The following EPS8L1 variants were observed in gnomAD, a reference collection of about 807,000 sequenced individuals.
The protein encoded by EPS8L1 is EPS8 signaling adaptor L1.
Under a neutral mutation model 91.7 loss-of-function variants are expected in EPS8L1, and 101 were observed. The ratio of observed to expected loss-of-function variants is 1.10; its 90% CI spans 0.94 to 1.30. The LOEUF is 1.30. EPS8L1 is among the 50% of genes most tolerant of loss of function. The pLI is 0.00. For missense variants in EPS8L1, 1,114 were observed against 1,017.0 expected, an observed-to-expected ratio of 1.10 and a Z score of -1.30; for synonymous variants, 506 against 445.3, an observed-to-expected ratio of 1.14 and a Z score of -1.72.
intron 14 of EPS8L1, among the ~76,000 whole-genome samples, chr19:55,085,128 G>A (rs543266140): frequency 2.4e-4 from 37 of 152,260 alleles, no homozygotes; most frequent in African/African-American, 8.4e-4. Context: ...ACTAATATAC[G>A]TAACAGAACA....
chr19:55,087,361 G>C lies in EPS8L1; in HGVS notation c.2011G>C (p.Glu671Gln). Residue 671 changes from glutamate (E) to glutamine (Q), a missense_variant, in exon 19 of 20, where the codon GAG becomes CAG. Glu to Gln is a conservative substitution (Grantham distance 29). Transcript: ENST00000201647. Reference protein sequence around the residue: ...GAQLFSLQKEELRAVSPEEGA... With the variant: ...GAQLFSLQKEQLRAVSPEEGA... ...GCAGCTTTTCTCGCTGCAGAAGGAGGAGCTGCGGGCGGTGAGCCCCGAGGA... is the reference window on the plus strand; with the variant it reads ...GCAGCTTTTCTCGCTGCAGAAGGAGCAGCTGCGGGCGGTGAGCCCCGAGGA... 3 of 1,613,028 alleles carry C rather than the reference G, an allele frequency of 1.9e-6. No homozygotes were observed. Among genetic ancestry groups the C allele is most frequent in the African/African-American group, 1.3e-5 (1 of 75,038 alleles).
At position 55,086,854 on chromosome 19, in the gene EPS8L1, C is replaced by T. The variant is rs2076358132; in HGVS notation, c.1918C>T (p.Arg640Cys). ...CCCGGGCTCGGACGCCTCCGAGGTC[C>T]GCGCCTGGCTGCAGGCCAAGGGCTT... ...LSPGSDASEV[R>C]AWLQAKGFSS... The change falls in exon 18 of 20, where the codon CGC becomes TGC. Residue 640 changes from arginine (R) to cysteine (C), a missense_variant. By Grantham distance (180) the Arg-to-Cys change is radical (BLOSUM62 -3). Transcript: ENST00000201647. 2 of 1,485,154 alleles carry T rather than the reference C, an allele frequency of 1.3e-6. No individual in the cohort carries two copies. The highest frequency in any genetic ancestry group is 1.8e-6 in the Non-Finnish European group (2 of 1,123,636). 92.0% of individuals were successfully genotyped at this position (1,485,154 alleles called of 1,614,324 possible). A position where few individuals can be genotyped will look rare whatever the true frequency, so the allele number is the denominator to read the frequency against.
At position 55,081,900 on chromosome 19, in the gene EPS8L1, G is replaced by T. The variant is rs1218472155; in HGVS notation, c.901+1G>T. 3 of 1,606,816 alleles carry T rather than the reference G, an allele frequency of 1.9e-6. No homozygotes were observed. The highest frequency in any genetic ancestry group is 2.7e-5 in the African/African-American group (2 of 74,858). On this transcript the variant is annotated splice_donor_variant, in intron 9 of 19. Coordinates refer to ENST00000201647, the MANE Select transcript of EPS8L1 (RefSeq NM_133180.3). LOFTEE classifies it high-confidence loss of function. This position sits in a 1 kb window ranked among gnomAD's most constrained non-coding sequence, Gnocchi z 4.9. Reference sequence around the variant, plus strand: ...AGGAGCCGGCGCCGGGCGGCTGGGGGTAAGGGGCACCCTGGCGTGGGATCT... The same window carrying T: ...AGGAGCCGGCGCCGGGCGGCTGGGGTTAAGGGGCACCCTGGCGTGGGATCT...
chr19:55,086,926 CG>C, intron 18 of EPS8L1, 38 bp downstream of exon 18: 1 of 1,405,892 alleles, frequency 7.1e-7, no homozygotes, highest in South Asian at 1.6e-5. Context: ...CGGGTTGATA[CG>C]GACGCTGGGA....
At chr19:55,086,276 C>G in intron 16 of EPS8L1, 84 bp downstream of exon 16, 2 of 1,611,282 alleles carry the variant, frequency 1.2e-6, no homozygotes, top group Non-Finnish European at 1.7e-6. Context: ...GATCAGCTGT[C>G]AAGAGTGCTG....
chr19:55,075,937 A>C lies in EPS8L1; in HGVS notation c.-38+18A>C, dbSNP rs2147116063. 1 of 158,672 alleles carries C rather than the reference A, an allele frequency of 6.3e-6. No homozygotes were observed. The highest frequency in any genetic ancestry group is 1.4e-5 in the Non-Finnish European group (1 of 72,390). 9.8% of individuals were successfully genotyped at this position (158,672 alleles called of 1,614,324 possible). On this transcript the variant is annotated intron_variant, in intron 1 of 19. Transcript: ENST00000201647. ...GCAGGCAGGTAAGGAGATCCGGGTCAGGAGAGAAGGGGGCCGGGGCTTGAC... is the reference window on the plus strand; with the variant it reads ...GCAGGCAGGTAAGGAGATCCGGGTCCGGAGAGAAGGGGGCCGGGGCTTGAC...
At chr19:55,082,230 C>T (rs765598908) in intron 10 of EPS8L1, 45 bp from the exon 11 acceptor site, 1 of 1,599,208 alleles carries the variant, frequency 6.3e-7, no homozygotes, top group African/African-American at 1.3e-5. Flanking sequence ...ACGAACCTGT[C>T]CCGTCCCCGC....
Position 55,087,426 on chromosome 19 carries a change from G to C in EPS8L1, c.2076G>C (p.Ser692=), listed in dbSNP as rs778048837. The part of the protein sequence containing the change: ...RVYSQVTVQR[S]LLEDKEKVSE... ...ACAGCCAGGTCACCGTGCAGCGCTC[G>C]CTGCTGGAGGTGAGCCGGACCGCTG... Residue 692 remains serine, a synonymous_variant, in exon 19 of 20, where the codon TCG becomes TCC. Coordinates refer to ENST00000201647, the MANE Select transcript of EPS8L1 (RefSeq NM_133180.3). The C allele has an allele frequency of 2.5e-6, 4 of 1,614,036 alleles. No individual in the cohort carries two copies. Among genetic ancestry groups the C allele is most frequent in the Non-Finnish European group, 3.4e-6 (4 of 1,180,034 alleles).
At chr19:55,084,628 CT>C (rs1485295148) in intron 14 of EPS8L1, 3 of 152,242 alleles carry the variant, frequency 2.0e-5, no homozygotes, top group South Asian at 2.1e-4. Flanking sequence ...AAGACCCCCC[CT>C]CTCCCCTGCA....
chr19:55,076,475 G>GA lies in EPS8L1; in HGVS notation c.17+15dup. On this transcript the variant is annotated intron_variant, in intron 2 of 19. Coordinates refer to ENST00000201647, the MANE Select transcript of EPS8L1 (RefSeq NM_133180.3). ...CACCGCCACAGGGTAAGCGCCCCCG[G>GA]ACCCCAGGTCCCAGCCCCAGCACGC... 5.6e-6 allele frequency: 9 copies of GA among 1,611,420 alleles called. No homozygotes were observed. Among genetic ancestry groups the GA allele is most frequent in the Non-Finnish European group, 7.6e-6 (9 of 1,178,774 alleles).
chr19:55,076,985 TAGTG>T (rs2076145712), intron 2 of EPS8L1, among the ~76,000 whole-genome samples: 1 of 152,076 alleles, frequency 6.6e-6, no homozygotes. Flanking sequence ...GCATGGTAGG[TAGTG>T]AGCTCTCTGG....
At chr19:55,077,509 G>A (rs909628063) in intron 2 of EPS8L1, among the ~76,000 whole-genome samples, 3 of 150,870 alleles carry the variant, frequency 2.0e-5, no homozygotes, top group East Asian at 3.9e-4. Context: ...TAGACAGAGG[G>A]TTTGAATCCC....
intron 2 of EPS8L1, 72 bp downstream of exon 2, chr19:55,076,533 CGCTTGCGGCAGCCCAGACTGTTTGCG>C: frequency 6.5e-7 from 1 of 1,549,726 alleles, no homozygotes; most frequent in Non-Finnish European, 8.8e-7. Flanking sequence ...CACCCACACC[CGCTTGCGGCAGCCCAGACTGTTTGCG>C]GCGGCCCAGA....
At position 55,082,476 on chromosome 19, in the gene EPS8L1, C is replaced by T. The variant is rs757306403; in HGVS notation, c.1088C>T (p.Pro363Leu). The change falls in exon 12 of 20, where the codon CCG (proline) becomes CTG (leucine). Residue 363 changes from proline (P) to leucine (L), a missense_variant. By Grantham distance (98) the Pro-to-Leu change is moderately conservative. Coordinates refer to ENST00000201647, the MANE Select transcript of EPS8L1 (RefSeq NM_133180.3). ...LQMIVNTSGGPEFASSVRRPH... is the reference protein window; with the variant it reads ...LQMIVNTSGGLEFASSVRRPH... The stretch of plus-strand genomic sequence containing the variant: ...CAGATTGTGAACACGTCGGGGGGGC[C>T]GGAGTTCGCGAGCAGTGTGCGGCGG... 3 of 1,612,424 alleles carry T rather than the reference C, an allele frequency of 1.9e-6. No homozygotes were observed. Among genetic ancestry groups the T allele is most frequent in the Non-Finnish European group, 2.5e-6 (3 of 1,179,640 alleles).
At position 55,085,824 on chromosome 19, in the gene EPS8L1, C is replaced by T. The variant is rs2076346523; in HGVS notation, c.1386-17C>T. The T allele has an allele frequency of 4.4e-6, 7 of 1,607,588 alleles. No individual in the cohort carries two copies. In the Admixed American group the frequency reaches 1.2e-4, roughly 27 times the overall value. On this transcript the variant is annotated splice_polypyrimidine_tract_variant and intron_variant, in intron 14 of 19. Transcript: ENST00000201647. Reference sequence around the variant, plus strand: ...GCTGGCTGCCTCCTTATCTCCAACCCTCCCGCTTCTCCTCAGTCACCGAGA... The same window carrying T: ...GCTGGCTGCCTCCTTATCTCCAACCTTCCCGCTTCTCCTCAGTCACCGAGA...
chr19:55,080,203 G>A lies in EPS8L1; in HGVS notation c.354G>A (p.Ser118=), dbSNP rs1352446556. 4.6e-6 allele frequency: 7 copies of A among 1,537,676 alleles called. No individual in the cohort carries two copies. The highest frequency in any genetic ancestry group is 6.2e-6 in the Non-Finnish European group (7 of 1,137,176). Residue 118 remains serine (S), a synonymous_variant, in exon 6 of 20, where the codon TCG becomes TCA. Coordinates refer to ENST00000201647, the MANE Select transcript of EPS8L1 (RefSeq NM_133180.3). ...DAVMPPGRSR[S]LLLLVCQEPE... Reference sequence around the variant, plus strand: ...TGATGCCACCCGGCAGGAGCCGCTCGTTGCTGCTGCTCGTGTGCCAGGAAC... The same window carrying A: ...TGATGCCACCCGGCAGGAGCCGCTCATTGCTGCTGCTCGTGTGCCAGGAAC...
chr19:55,081,070 G>A lies in EPS8L1; in HGVS notation c.513-161G>A. The A allele has an allele frequency of 1.0e-6, 1 of 997,000 alleles. No homozygotes were observed. The highest frequency in any genetic ancestry group is 1.4e-6 in the Non-Finnish European group (1 of 699,986). The allele number at this position is 997,000 out of a possible 1,614,324, so 61.8% of individuals were successfully genotyped here. A position where few individuals can be genotyped will look rare whatever the true frequency, so the allele number is the denominator to read the frequency against. ...TCCAGGCCCTCAGTTTCACTCTAGA[G>A]AGGTGCTATCCCTCCGTATATCGGA... On this transcript the variant is annotated intron_variant, in intron 7 of 19. Transcript: ENST00000201647. The surrounding 1 kb of genome is among the most constrained non-coding windows in gnomAD (Gnocchi z 4.9).
chr19:55,081,348 A>G lies in EPS8L1; in HGVS notation c.630A>G (p.Gly210=). 6.4e-7 allele frequency: 1 copy of G among 1,561,872 alleles called. No homozygotes were observed. The highest frequency in any genetic ancestry group is 1.2e-5 in the South Asian group (1 of 85,968). ...ISTVERGAGR[G]RPQAKPIPEA... is the part of the protein sequence containing the mutation. The stretch of plus-strand genomic sequence containing the variant: ...CCGTAGAGCGGGGCGCGGGCCGCGG[A>G]CGACCCCAGGCGAAGCCCATTCCCG... Residue 210 remains glycine (G), a synonymous_variant, in exon 8 of 20, where the codon GGA becomes GGG. Transcript: ENST00000201647. This position sits in a 1 kb window ranked among gnomAD's most constrained non-coding sequence, Gnocchi z 4.9.
Position 55,076,590 on chromosome 19 carries a change from C to T in EPS8L1, c.17+129C>T, listed in dbSNP as rs1238595398. The T allele has an allele frequency of 4.4e-6, 5 of 1,148,378 alleles. No homozygotes were observed. The African/African-American group carries it at 6.2e-5, about 14-fold the overall frequency. The allele number at this position is 1,148,378 out of a possible 1,614,324, so 71.1% of individuals were successfully genotyped here. Reference sequence around the variant, plus strand: ...CCAGACTCTGGCCCAAGCCCCGACACTCAGGAGGAAGCCAGAGCCTCTCTC... The same window carrying T: ...CCAGACTCTGGCCCAAGCCCCGACATTCAGGAGGAAGCCAGAGCCTCTCTC... On this transcript the variant is annotated intron_variant, in intron 2 of 19. Coordinates refer to ENST00000201647, the MANE Select transcript of EPS8L1 (RefSeq NM_133180.3).
Sources: allele counts gnomAD v4.1 joint callset (sites outside exome capture counted in the v4.1 genomes callset), GRCh38; gene constraint gnomAD v4.1.1; non-coding constraint Gnocchi (gnomAD v3.1); transcripts MANE v1.5; gene names NCBI Gene and HGNC (gene_info 2026-07-23, HGNC 2026-07-21).